Variants in LYZL1 observed in about 807,000 individuals in gnomAD.
LYZL1 encodes the protein lysozyme like 1.
In LYZL1, 16 loss-of-function variants were observed where a neutral mutation model predicts 17.9. The observed-to-expected ratio is 0.90, with a 90% CI of 0.61 to 1.36. The LOEUF (loss-of-function observed/expected upper bound fraction) is 1.36. LYZL1 is among the 40% of genes most tolerant of loss of function. The pLI is 0.00. For synonymous variants in LYZL1, 58 were observed against 71.8 expected (o/e 0.81, Z 0.97); for missense variants, 149 against 188.4 (o/e 0.79, Z 1.22).
intron 3 of LYZL1, among the ~76,000 whole-genome samples, chr10:29,306,561 A>AG (rs1835595685): frequency 7.4e-6 from 1 of 134,792 alleles, no homozygotes. Context: ...AAAAAAAAAA[A>AG]AAAAAAAAAA....
intron 1 of LYZL1, 51 bp downstream of exon 1, chr10:29,289,281 G>C: frequency 9.5e-7 from 1 of 1,054,128 alleles, no homozygotes; most frequent in Non-Finnish European, 1.3e-6. Context: ...GTTCTTGAAG[G>C]ATGTAGAACA....
chr10:29,303,823 C>T (rs1835553841), intron 3 of LYZL1, among the ~76,000 whole-genome samples: 1 of 152,178 alleles, frequency 6.6e-6, no homozygotes, highest in East Asian at 1.9e-4. Context: ...GAAGTAGGGA[C>T]ATTTGTCATG....
chr10:29,306,743 T>G (rs1835600071), intron 3 of LYZL1, among the ~76,000 whole-genome samples: 1 of 151,578 alleles, frequency 6.6e-6, no homozygotes, highest in African/African-American at 2.4e-5. Context: ...TGTGAAATGA[T>G]TATTACAATC....
intron 3 of LYZL1, among the ~76,000 whole-genome samples, chr10:29,294,403 T>C (rs1564389607): frequency 6.6e-6 from 1 of 152,158 alleles, no homozygotes; most frequent in Non-Finnish European, 1.5e-5. Context: ...TTGAGCTAAG[T>C]GCCATAAAAA....
intron 3 of LYZL1, among the ~76,000 whole-genome samples, chr10:29,297,640 T>C (rs1271214781): frequency 6.6e-6 from 1 of 152,230 alleles, no homozygotes; most frequent in Non-Finnish European, 1.5e-5. Flanking sequence ...TCCCATTAGT[T>C]ACTTGGTAGC....
chr10:29,297,101 A>C (rs900319897), intron 3 of LYZL1, among the ~76,000 whole-genome samples: 1 of 147,846 alleles, frequency 6.8e-6, no homozygotes, highest in Non-Finnish European at 1.5e-5. Context: ...AAAAAAAAAG[A>C]GAGAAAAAGG....
At chr10:29,290,009 G>T (rs561508035) in intron 1 of LYZL1, among the ~76,000 whole-genome samples, 1 of 152,176 alleles carries the variant, frequency 6.6e-6, no homozygotes, top group Non-Finnish European at 1.5e-5. Flanking sequence ...TGCCCCTCAT[G>T]CAATGCAGTT....
intron 3 of LYZL1, among the ~76,000 whole-genome samples, chr10:29,300,949 G>A (rs1020198242): frequency 2.0e-5 from 3 of 152,080 alleles, no homozygotes; most frequent in Non-Finnish European, 2.9e-5. Flanking sequence ...AGCCTCCCGA[G>A]TAGCTGGGAC....
intron 3 of LYZL1, among the ~76,000 whole-genome samples, chr10:29,316,702 TTTTCC>T (rs1835736464): frequency 1.4e-5 from 2 of 141,882 alleles, no homozygotes; most frequent in Admixed American, 1.5e-4. Flanking sequence ...TTCTTTTTCC[TTTTCC>T]TTTTTTTTTT....
downstream of LYZL1, among the ~76,000 whole-genome samples, chr10:29,315,591 G>A (rs984432521): frequency 1.3e-5 from 2 of 152,046 alleles, no homozygotes; most frequent in African/African-American, 4.8e-5. Context: ...AGTGGCTCAT[G>A]CCTGTAATCC....
At chr10:29,307,403 C>T (rs943375898) in intron 3 of LYZL1, among the ~76,000 whole-genome samples, 3 of 152,212 alleles carry the variant, frequency 2.0e-5, no homozygotes, top group African/African-American at 7.2e-5. Flanking sequence ...TTAGCACGAT[C>T]TCCTTCAGTT....
intron 3 of LYZL1, among the ~76,000 whole-genome samples, chr10:29,308,565 G>A (rs1835627343): frequency 6.6e-6 from 1 of 152,208 alleles, no homozygotes; most frequent in Non-Finnish European, 1.5e-5. Context: ...TGTCATGTTT[G>A]TGTTGAGAAG....
intron 3 of LYZL1, 69 bp from the exon 4 acceptor site, chr10:29,310,041 A>G: frequency 9.0e-7 from 1 of 1,106,438 alleles, no homozygotes; most frequent in East Asian, 2.5e-5. Flanking sequence ...AAAGTGAAGT[A>G]AAGTTGAGTT....
At chr10:29,311,315 C>A (rs1835669906), downstream of LYZL1, 1 of 1,191,436 alleles carries the variant, frequency 8.4e-7, no homozygotes, top group Non-Finnish European at 1.1e-6. Flanking sequence ...TTGGAAAAAA[C>A]AAAGCTCCCT....
At chr10:29,292,484 T>G in intron 2 of LYZL1, 35 bp from the exon 3 acceptor site, 7 of 1,607,328 alleles carry the variant, frequency 4.4e-6, no homozygotes, top group Non-Finnish European at 5.9e-6. Context: ...AAGATGCACT[T>G]CCTTTGCTGG....
intron 3 of LYZL1, among the ~76,000 whole-genome samples, chr10:29,305,674 C>T (rs1394834854): frequency 6.6e-6 from 1 of 152,172 alleles, no homozygotes; most frequent in East Asian, 1.9e-4. Context: ...GAATTGTAAA[C>T]CAAATGCCAG....
chr10:29,297,037 T>C (rs918707419), intron 3 of LYZL1, among the ~76,000 whole-genome samples: 1 of 145,824 alleles, frequency 6.9e-6, no homozygotes, highest in Non-Finnish European at 1.5e-5. Context: ...TATCTTCAGA[T>C]AGATAAGAGA....
intron 3 of LYZL1, among the ~76,000 whole-genome samples, chr10:29,298,563 T>C (rs117063268): frequency 0.014 from 2,064 of 152,126 alleles, 28 homozygotes; most frequent in East Asian, 0.068. Context: ...CATATTCAGC[T>C]CACCTCCCAT....
chr10:29,292,171 C>T (rs1186742926), intron 2 of LYZL1, among the ~76,000 whole-genome samples, 165 bp downstream of exon 2: 3 of 150,660 alleles, frequency 2.0e-5, no homozygotes, highest in African/African-American at 4.9e-5. Flanking sequence ...GGTCTCCTCT[C>T]CTTCCTCCCC....
Sources: allele counts gnomAD v4.1 joint callset (sites outside exome capture counted in the v4.1 genomes callset), GRCh38; gene constraint gnomAD v4.1.1; transcripts MANE v1.5; gene names NCBI Gene and HGNC (gene_info 2026-07-23, HGNC 2026-07-21).